The following HIVEP1 variants were observed in gnomAD, a reference collection of about 807,000 sequenced individuals.
The protein encoded by HIVEP1 is zinc finger protein 40.
In HIVEP1, 36 loss-of-function variants were observed where a neutral mutation model predicts 180.0. The ratio of observed to expected loss-of-function variants is 0.20; its 90% CI spans 0.15 to 0.26. HIVEP1 has a LOEUF of 0.26. Ranked by LOEUF, HIVEP1 falls within the 10% of genes least tolerant of loss-of-function variation. HIVEP1 has a pLI of 1.00. For missense variants in HIVEP1, 3,143 were observed against 3,268.7 expected, an observed-to-expected ratio of 0.96 and a Z score of 0.94; for synonymous variants, 1,239 against 1,239.0, an observed-to-expected ratio of 1.00 and a Z score of 0.00.
In HIVEP1 at chr6:12,119,898, C is replaced by A; in HGVS notation, c.103C>A (p.Gln35Lys). The A allele has an allele frequency of 6.5e-7, 1 of 1,548,694 alleles. No individual in the cohort carries two copies. The highest frequency in any genetic ancestry group is 1.7e-4 in the Middle Eastern group (1 of 5,752). Residue 35 changes from glutamine to lysine, a missense_variant, in exon 4 of 9, where the codon CAG (glutamine) becomes AAG (lysine). Gln to Lys is a moderately conservative substitution (Grantham distance 53). Coordinates refer to ENST00000379388, the MANE Select transcript of HIVEP1 (RefSeq NM_002114.4). The part of the protein sequence containing the change: ...GAEVSKKEIL[Q>K]AGVKGTSESL... ...GTTGTTGTTTTTTCCAGAAATCTTA[C>A]AGGCTGGTGTTAAAGGAACTTCGGA...
chr6:12,146,259 A>G (rs1164349896), intron 7 of HIVEP1, among the ~76,000 whole-genome samples: 1 of 152,148 alleles, frequency 6.6e-6, no homozygotes, highest in African/African-American at 2.4e-5. Context: ...CCTGACTAAC[A>G]TGGAGAAATC....
At chr6:12,139,268 C>T (rs1561991660) in intron 7 of HIVEP1, among the ~76,000 whole-genome samples, 2 of 152,238 alleles carry the variant, frequency 1.3e-5, no homozygotes, top group South Asian at 2.1e-4. Flanking sequence ...TGCAGCCACA[C>T]GGGTCTCCTG....
chr6:12,017,505 T>G (rs183618689), intron 2 of HIVEP1, among the ~76,000 whole-genome samples: 1 of 152,318 alleles, frequency 6.6e-6, no homozygotes, highest in East Asian at 1.9e-4. Flanking sequence ...CAACAAAGCT[T>G]CCACAGTCTG....
chr6:12,208,885 C>G, the HIVEP1 span, among the ~76,000 whole-genome samples: 2 of 142,242 alleles, frequency 1.4e-5, no homozygotes, highest in African/African-American at 5.3e-5. Context: ...TACTGAAGCC[C>G]TATCTGACTA....
chr6:12,022,234 G>A (rs533089070), intron 2 of HIVEP1, among the ~76,000 whole-genome samples: 177 of 151,134 alleles, frequency 1.2e-3, no homozygotes, highest in African/African-American at 4.0e-3. Flanking sequence ...GCAGTGGCAC[G>A]ATCTTGGCTC....
chr6:12,123,752 A>G lies in HIVEP1; in HGVS notation c.3957A>G (p.Ser1319=), dbSNP rs1757862126. 1.2e-6 allele frequency: 2 copies of G among 1,614,170 alleles called. No individual in the cohort carries two copies. Among genetic ancestry groups the G allele is most frequent in the Non-Finnish European group, 1.7e-6 (2 of 1,179,998 alleles). Residue 1319 remains serine, a synonymous_variant, in exon 4 of 9, where the codon TCA becomes TCG. Coordinates refer to ENST00000379388, the MANE Select transcript of HIVEP1 (RefSeq NM_002114.4). The part of the protein sequence containing the change: ...ESSLSHTSSF[S]ASLDIEDVSK... ...GTTTATCTCACACTTCAAGTTTCTC[A>G]GCCTCTTTAGACATAGAGGACGTTT...
chr6:12,172,230 C>G, the HIVEP1 span, among the ~76,000 whole-genome samples: 1 of 152,156 alleles, frequency 6.6e-6, no homozygotes, highest in East Asian at 1.9e-4. Flanking sequence ...CTAGGGCTGT[C>G]TCATTCCATC....
At chr6:12,007,861 A>G (rs1330837107), upstream of HIVEP1, 12 of 152,024 alleles carry the variant, frequency 7.9e-5, no homozygotes, top group African/African-American at 2.9e-4. Context: ...GGCTCTGTTT[A>G]TAAGCCTCTT....
intron 3 of HIVEP1, among the ~76,000 whole-genome samples, chr6:12,108,344 A>C (rs186875411): frequency 1.3e-5 from 2 of 152,246 alleles, no homozygotes; most frequent in South Asian, 4.1e-4. Context: ...ATCCTGCACC[A>C]GGACTGCAGG....
intron 2 of HIVEP1, among the ~76,000 whole-genome samples, chr6:12,023,380 T>C (rs1033280820): frequency 3.9e-5 from 6 of 152,238 alleles, no homozygotes; most frequent in African/African-American, 1.4e-4. Flanking sequence ...GCATCGTTTT[T>C]CACATTTGAA....
At chr6:12,012,196 A>T (rs1228879139), upstream of HIVEP1, 3 of 127,396 alleles carry the variant, frequency 2.4e-5, no homozygotes, top group Non-Finnish European at 5.0e-5. Context: ...GGCGCCGGCG[A>T]GCTTCGCCGC....
chr6:12,170,358 G>A, the HIVEP1 span, among the ~76,000 whole-genome samples: 1 of 152,082 alleles, frequency 6.6e-6, no homozygotes, highest in Non-Finnish European at 1.5e-5. Flanking sequence ...AAGGGACTTG[G>A]TTAAGCAGAG....
chr6:12,112,492 C>T (rs1430840833), intron 3 of HIVEP1, among the ~76,000 whole-genome samples: 2 of 151,658 alleles, frequency 1.3e-5, no homozygotes, highest in Non-Finnish European at 2.9e-5. Flanking sequence ...TTGTTGTTTT[C>T]ATTATTTGGG....
chr6:12,125,822 G>A lies in HIVEP1; in HGVS notation c.6027G>A (p.Lys2009=). 6.2e-7 allele frequency: 1 copy of A among 1,613,274 alleles called. No individual in the cohort carries two copies. The part of the protein sequence containing the change: ...LYCQAITTHS[K]SDLLVYSSKW... ...GTCAAGCAATAACTACCCATTCCAA[G>A]TCAGACTTATTGGTCTATTCAAGCA... Residue 2009 remains lysine, a synonymous_variant, in exon 4 of 9, where the codon AAG becomes AAA. Transcript: ENST00000379388.
intron 2 of HIVEP1, among the ~76,000 whole-genome samples, chr6:12,067,624 T>G (rs778413394): frequency 3.9e-5 from 6 of 152,142 alleles, no homozygotes; most frequent in Non-Finnish European, 7.4e-5. Context: ...AGCTGGAGAT[T>G]ATTGGGTGCC....
chr6:12,044,803 C>T (rs1248136251), intron 2 of HIVEP1, among the ~76,000 whole-genome samples: 1 of 151,746 alleles, frequency 6.6e-6, no homozygotes, highest in Non-Finnish European at 1.5e-5. Context: ...CACTGTGCCC[C>T]CCTCAAAGCC....
the HIVEP1 span, among the ~76,000 whole-genome samples, chr6:12,193,711 A>G: frequency 2.6e-5 from 4 of 152,198 alleles, no homozygotes; most frequent in Admixed American, 1.3e-4. Flanking sequence ...AAAGCAATGG[A>G]AAGCAGAGAT....
intron 2 of HIVEP1, among the ~76,000 whole-genome samples, chr6:12,035,189 C>T (rs1769195329): frequency 6.6e-6 from 1 of 152,140 alleles, no homozygotes; most frequent in Admixed American, 6.5e-5. Flanking sequence ...TCAGTATATT[C>T]CTCAGTTGCT....
chr6:12,204,345 G>A, the HIVEP1 span, among the ~76,000 whole-genome samples: 1 of 6,340 alleles, frequency 1.6e-4, no homozygotes, highest in Non-Finnish European at 4.8e-4. Context: ...GCACATAGCA[G>A]GTGTTCAAGC....
Sources: gnomAD v4.1 joint callset for allele counts (sites outside exome capture counted in the v4.1 genomes callset) on GRCh38, gnomAD v4.1.1 for gene constraint, MANE v1.5 for transcripts, NCBI Gene and HGNC (gene_info 2026-07-23, HGNC 2026-07-21) for gene names.